Variants in TMEM106B observed in about 807,000 individuals in gnomAD.
TMEM106B encodes transmembrane protein 106B.
A neutral mutation model predicts 31.1 loss-of-function variants in TMEM106B; 15 were observed. That is an observed-to-expected ratio of 0.48 (90% CI 0.32 to 0.74). The LOEUF is 0.74. Among genes scored for constraint, TMEM106B ranks in the 30% least tolerant of loss-of-function variants. The probability of loss-of-function intolerance (pLI) is 0.03; values close to 1 mark genes in which losing one functional copy is unlikely to be tolerated. For missense variants in TMEM106B, 283 were observed against 327.3 expected (o/e 0.86, Z 1.04); for synonymous variants, 126 against 112.5 (o/e 1.12, Z -0.76).
Position 12,242,652 on chromosome 7 carries a change from G to A in TMEM106B, c.*10677G>A, listed in dbSNP as rs1469541008. The stretch of plus-strand genomic sequence containing the variant: ...TAACTTGTGTATTTTTCAAGTTAAA[G>A]GATTTCCTAAAAATGCTTATTTGAA... On this transcript the variant is annotated 3_prime_UTR_variant, in exon 8 of 8. Coordinates refer to ENST00000396668, the MANE Select transcript of TMEM106B (RefSeq NM_001134232.2). 6.6e-6 allele frequency: 1 copy of A among 151,960 alleles called. No homozygotes were observed. Among genetic ancestry groups the A allele is most frequent in the Non-Finnish European group, 1.5e-5 (1 of 67,966 alleles). 9.4% of individuals were successfully genotyped at this position (151,960 alleles called of 1,614,324 possible).
intron 4 of TMEM106B, among the ~76,000 whole-genome samples, chr7:12,224,673 A>G (rs1004174035): frequency 1.3e-5 from 2 of 152,232 alleles, no homozygotes; most frequent in African/African-American, 4.8e-5. Context: ...ACTTTTCAGC[A>G]TATGACTCTG....
intron 2 of TMEM106B, among the ~76,000 whole-genome samples, chr7:12,217,331 C>T (rs146305221): frequency 2.4e-3 from 372 of 152,198 alleles, no homozygotes; most frequent in Middle Eastern, 0.024. Context: ...CCATTTATCA[C>T]ATAATGAACT....
Position 12,224,356 on chromosome 7 carries a change from C to G in TMEM106B, c.412C>G (p.Gln138Glu), listed in dbSNP as rs748332927. 1.5e-5 allele frequency: 24 copies of G among 1,611,158 alleles called. No individual in the cohort carries two copies. The highest frequency in any genetic ancestry group is 2.0e-5 in the Non-Finnish European group (23 of 1,177,904). Residue 138 changes from glutamine to glutamate, a missense_variant, in exon 4 of 8, where the codon CAG (glutamine) becomes GAG (glutamate). Gln to Glu is a conservative substitution (Grantham distance 29). Around this residue, in one of 3 missense-constraint regions of TMEM106B, gnomAD observed 201 missense variants for 211.5 expected, o/e 0.95. Transcript: ENST00000396668. ...ATCAGCCTATGTCAGTTATGATGTT[C>G]AGAAGCGTACAATTTATTTAAATAT... ...VKSAYVSYDV[Q>E]KRTIYLNITN...
intron 7 of TMEM106B, 80 bp from the exon 8 acceptor site, chr7:12,231,757 T>C: frequency 9.0e-7 from 1 of 1,110,730 alleles, no homozygotes; most frequent in Non-Finnish European, 1.3e-6. Context: ...GAGATAATTT[T>C]TATGTGTTAA....
chr7:12,231,178 C>A, intron 7 of TMEM106B, 63 bp downstream of exon 7: 1 of 1,266,386 alleles, frequency 7.9e-7, no homozygotes. Context: ...ATAACATTGG[C>A]TTATAATATA....
chr7:12,220,538 T>G (rs1562704575), intron 3 of TMEM106B, among the ~76,000 whole-genome samples: 1 of 152,214 alleles, frequency 6.6e-6, no homozygotes, highest in Non-Finnish European at 1.5e-5. Flanking sequence ...TGTCCAATCT[T>G]GCTCATAATA....
intron 6 of TMEM106B, chr7:12,230,685 A>G (rs560294825): frequency 2.9e-6 from 1 of 342,192 alleles, no homozygotes; most frequent in East Asian, 5.1e-5. Context: ...TTTATTTTTC[A>G]TTACTATGTT....
rs147912881 is a variant in TMEM106B at position 12,229,787 on chromosome 7, A to G, written c.550A>G (p.Ile184Val). Residue 184 changes from isoleucine to valine, a missense_variant, in exon 5 of 8, where the codon ATA (isoleucine) becomes GTA (valine). By Grantham distance (29) the Ile-to-Val change is conservative. Coordinates refer to ENST00000396668, the MANE Select transcript of TMEM106B (RefSeq NM_001134232.2). Reference protein sequence around the residue: ...TVIGKARLNNITIIGPLDMKQ... With the variant: ...TVIGKARLNNVTIIGPLDMKQ... ...TATTGGAAAGGCACGCTTAAACAACATAACCATTATTGGTCCACTTGATAT... is the reference window on the plus strand; with the variant it reads ...TATTGGAAAGGCACGCTTAAACAACGTAACCATTATTGGTCCACTTGATAT... 1.9e-6 allele frequency: 3 copies of G among 1,610,610 alleles called. No individual in the cohort carries two copies. The highest frequency in any genetic ancestry group is 2.7e-5 in the African/African-American group (2 of 74,884).
At position 12,243,278 on chromosome 7, in the gene TMEM106B, A is replaced by G. The variant is rs144532300; in HGVS notation, c.*11303A>G. The G allele has an allele frequency of 1.3e-5, 2 of 152,218 alleles. No homozygotes were observed. The highest frequency in any genetic ancestry group is 2.1e-4 in the South Asian group (1 of 4,824). The allele number at this position is 152,218 out of a possible 1,614,324, so 9.4% of individuals were successfully genotyped here. On this transcript the variant is annotated 3_prime_UTR_variant, in exon 8 of 8. Coordinates refer to ENST00000396668, the MANE Select transcript of TMEM106B (RefSeq NM_001134232.2). ...TGAAGAAGATTGTATGAACGATCACATTAATTCATTTAAATAGTATGTATT... is the reference window on the plus strand; with the variant it reads ...TGAAGAAGATTGTATGAACGATCACGTTAATTCATTTAAATAGTATGTATT...
rs1021396907 is a variant in TMEM106B at position 12,235,662 on chromosome 7, G to A, written c.*3687G>A. On this transcript the variant is annotated 3_prime_UTR_variant, in exon 8 of 8. Coordinates refer to ENST00000396668, the MANE Select transcript of TMEM106B (RefSeq NM_001134232.2). ...TGGAGGGCATGTGCCCAACTCTCCC[G>A]CACCCCATTTTGTTTGTCTTTTAAA... The A allele has an allele frequency of 3.3e-5, 5 of 151,568 alleles. No individual in the cohort carries two copies. Among genetic ancestry groups the A allele is most frequent in the East Asian group, 1.9e-4 (1 of 5,192 alleles). The allele number at this position is 151,568 out of a possible 1,614,324, so 9.4% of individuals were successfully genotyped here.
In TMEM106B at chr7:12,225,435, A is replaced by T. The variant is rs1397793257; in HGVS notation, c.441+1050A>T. 2.0e-5 allele frequency among the ~76,000 whole-genome samples: 3 copies of T among 152,160 alleles called. No homozygotes were observed. In the East Asian group the frequency reaches 5.8e-4, roughly 29 times the overall value. On this transcript the variant is annotated intron_variant, in intron 4 of 7. Coordinates refer to ENST00000396668, the MANE Select transcript of TMEM106B (RefSeq NM_001134232.2). ...TATTTCTAGTTCTAGATCCTTGAAG[A>T]ATCACCACACTGTCTTCCACAATGG...
chr7:12,237,258 TTATG>T lies in TMEM106B; in HGVS notation c.*5287_*5290del, dbSNP rs1782156856. On this transcript the variant is annotated 3_prime_UTR_variant, in exon 8 of 8. Coordinates refer to ENST00000396668, the MANE Select transcript of TMEM106B (RefSeq NM_001134232.2). ...GCATGAAAAATAAAATTTGTATCAC[TTATG>T]TATTTTGGCTATGCTTTTGAAATTT... 6.6e-6 allele frequency: 1 copy of T among 152,168 alleles called. No individual in the cohort carries two copies. The highest frequency in any genetic ancestry group is 1.5e-5 in the Non-Finnish European group (1 of 68,012). 9.4% of individuals were successfully genotyped at this position (152,168 alleles called of 1,614,324 possible).
intron 3 of TMEM106B, among the ~76,000 whole-genome samples, chr7:12,220,969 A>G (rs1781773972): frequency 6.6e-6 from 1 of 152,186 alleles, no homozygotes; most frequent in African/African-American, 2.4e-5. Context: ...CCACACACTC[A>G]AACCCACACA....
intron 2 of TMEM106B, among the ~76,000 whole-genome samples, chr7:12,216,363 A>G (rs1781687138): frequency 1.6e-5 from 2 of 126,944 alleles, no homozygotes; most frequent in Non-Finnish European, 3.2e-5. Context: ...AGAATGTAGT[A>G]GCAATTTATT....
In TMEM106B at chr7:12,231,938, A is replaced by T; in HGVS notation, c.788A>T (p.Gln263Leu). 1 of 1,612,324 alleles carries T rather than the reference A, an allele frequency of 6.2e-7. No individual in the cohort carries two copies. The highest frequency in any genetic ancestry group is 2.2e-5 in the East Asian group (1 of 44,788). The change falls in exon 8 of 8, where the codon CAG becomes CTG. Residue 263 changes from glutamine to leucine, a missense_variant. This residue lies in a region of TMEM106B where 201 missense variants were observed against 211.5 expected (regional missense o/e 0.95). Transcript: ENST00000396668. Reference sequence around the variant, plus strand: ...AGAAACACAACTTATCAGTTGGGGCAGTCTGAATATTTAAATGTACTTCAG... The same window carrying T: ...AGAAACACAACTTATCAGTTGGGGCTGTCTGAATATTTAAATGTACTTCAG... ...CGRNTTYQLG[Q>L]SEYLNVLQPQ...
chr7:12,229,092 A>C (rs2128527103), intron 4 of TMEM106B, among the ~76,000 whole-genome samples: 1 of 152,220 alleles, frequency 6.6e-6, no homozygotes, highest in South Asian at 2.1e-4. Context: ...TGACTGTTAC[A>C]GATCTTTTAT....
Position 12,239,849 on chromosome 7 carries a change from T to C in TMEM106B, c.*7874T>C, listed in dbSNP as rs1010444775. 44 of 152,150 alleles carry C rather than the reference T, an allele frequency of 2.9e-4. No individual in the cohort carries two copies. Among genetic ancestry groups the C allele is most frequent in the African/African-American group, 1.1e-3 (44 of 41,510 alleles). The allele number at this position is 152,150 out of a possible 1,614,324, so 9.4% of individuals were successfully genotyped here. A position where few individuals can be genotyped will look rare whatever the true frequency, so the allele number is the denominator to read the frequency against. ...TTACAGATCATTAAAATAGGTTTAA[T>C]AATAATGGAAACATTTGAAATATTG... On this transcript the variant is annotated 3_prime_UTR_variant, in exon 8 of 8. Transcript: ENST00000396668.
At chr7:12,229,957 C>A in intron 5 of TMEM106B, 138 bp downstream of exon 5, 1 of 955,718 alleles carries the variant, frequency 1.0e-6, no homozygotes, top group Non-Finnish European at 1.5e-6. Flanking sequence ...TGGCTCATGC[C>A]TGTGATCCCC....
rs1782180361 is a variant in TMEM106B, at chr7:12,238,393, A to G, written c.*6418A>G. 1 of 152,212 alleles carries G rather than the reference A, an allele frequency of 6.6e-6. No individual in the cohort carries two copies. The highest frequency in any genetic ancestry group is 2.4e-5 in the African/African-American group (1 of 41,430). 9.4% of individuals were successfully genotyped at this position (152,212 alleles called of 1,614,324 possible). On this transcript the variant is annotated 3_prime_UTR_variant, in exon 8 of 8. Transcript: ENST00000396668. ...GTGACTTCCTTCACTGAAGTCATGA[A>G]CCCCTCAAAATTATCCATGAGAGTT...
Sources: allele counts gnomAD v4.1 joint callset (sites outside exome capture counted in the v4.1 genomes callset), GRCh38; gene constraint gnomAD v4.1.1; regional missense constraint gnomAD v4.1.1; transcripts MANE v1.5; gene names NCBI Gene and HGNC (gene_info 2026-07-23, HGNC 2026-07-21).